Variants in SLC9A9 observed in about 807,000 individuals in gnomAD.
SLC9A9 encodes the protein solute carrier family 9 member A9.
In SLC9A9, 62 loss-of-function variants were observed where a neutral mutation model predicts 77.8. The observed-to-expected ratio is 0.80, with a 90% CI of 0.65 to 0.98. The LOEUF (loss-of-function observed/expected upper bound fraction) is 0.98. SLC9A9 is among the 50% of genes least tolerant of loss of function. The pLI is 0.00. For synonymous variants in SLC9A9, 320 were observed against 283.5 expected (o/e 1.13, Z -1.29); for missense variants, 775 against 774.9 (o/e 1.00, Z 0.00).
At chr3:143,810,124 G>A (rs2008825506) in intron 2 of SLC9A9, among the ~76,000 whole-genome samples, 1 of 152,142 alleles carries the variant, frequency 6.6e-6, no homozygotes, top group East Asian at 1.9e-4. Flanking sequence ...CGAGGATGCA[G>A]CAAATTTTAA....
intron 14 of SLC9A9, among the ~76,000 whole-genome samples, chr3:143,351,695 A>G (rs1235278542): frequency 6.6e-6 from 1 of 152,236 alleles, no homozygotes; most frequent in Non-Finnish European, 1.5e-5. Flanking sequence ...ATAAACTTGA[A>G]TATAGCAGGA....
At chr3:143,284,696 T>C (rs1176316486) in intron 14 of SLC9A9, among the ~76,000 whole-genome samples, 1 of 152,194 alleles carries the variant, frequency 6.6e-6, no homozygotes, top group East Asian at 1.9e-4. Context: ...AGATTTCCAC[T>C]TCAACCTAAT....
intron 12 of SLC9A9, among the ~76,000 whole-genome samples, chr3:143,451,727 C>T (rs73867646): frequency 0.011 from 1,699 of 152,038 alleles, 50 homozygotes; most frequent in African/African-American, 0.039. Context: ...TCCACATTAC[C>T]AGGACTAGAG....
intron 5 of SLC9A9, among the ~76,000 whole-genome samples, chr3:143,677,222 T>C (rs577434843): frequency 3.3e-5 from 5 of 152,328 alleles, no homozygotes; most frequent in Non-Finnish European, 5.9e-5. Flanking sequence ...CACTTTTCAA[T>C]ATAAAAGTTA....
At chr3:143,612,787 C>CAGAT (rs1418514547) in intron 6 of SLC9A9, among the ~76,000 whole-genome samples, 1 of 152,174 alleles carries the variant, frequency 6.6e-6, no homozygotes, top group Non-Finnish European at 1.5e-5. Context: ...TCCAGCCTGC[C>CAGAT]AGATAGAGGT....
At chr3:143,712,739 C>G (rs1934231496) in intron 4 of SLC9A9, among the ~76,000 whole-genome samples, 2 of 152,180 alleles carry the variant, frequency 1.3e-5, no homozygotes, top group Admixed American at 1.3e-4. Context: ...CCTCAAAGAA[C>G]CAGTGAGTTG....
At chr3:143,552,497 T>C (rs756117612) in intron 8 of SLC9A9, 47 bp from the exon 9 acceptor site, 4 of 1,542,970 alleles carry the variant, frequency 2.6e-6, no homozygotes, top group Non-Finnish European at 3.6e-6. Context: ...TTCTTTTCCA[T>C]CCAAGTCAAA....
At chr3:143,287,728 T>G (rs1392853162) in intron 14 of SLC9A9, among the ~76,000 whole-genome samples, 1 of 152,218 alleles carries the variant, frequency 6.6e-6, no homozygotes, top group Non-Finnish European at 1.5e-5. Flanking sequence ...GGAATAACAG[T>G]GAATTCATAG....
intron 2 of SLC9A9, among the ~76,000 whole-genome samples, chr3:143,822,140 C>G (rs539904766): frequency 6.6e-5 from 10 of 152,340 alleles, no homozygotes; most frequent in Admixed American, 4.6e-4. Flanking sequence ...AGGGCTCATT[C>G]TAGCTCCACA....
intron 14 of SLC9A9, among the ~76,000 whole-genome samples, chr3:143,344,259 C>T (rs2032193296): frequency 6.6e-6 from 1 of 152,130 alleles, no homozygotes; most frequent in Non-Finnish European, 1.5e-5. Context: ...AAATCCAGCT[C>T]TTATTTTCTC....
At chr3:143,321,410 T>C (rs1259320358) in intron 14 of SLC9A9, among the ~76,000 whole-genome samples, 1 of 152,248 alleles carries the variant, frequency 6.6e-6, no homozygotes, top group Non-Finnish European at 1.5e-5. Flanking sequence ...AGGATCCTCC[T>C]GACCCTTGCT....
At position 143,467,438 on chromosome 3, in the gene SLC9A9, C is replaced by A. The variant is rs140529864; in HGVS notation, c.1316-248G>T. 5.3e-3 allele frequency among the ~76,000 whole-genome samples: 814 copies of A among 152,204 alleles called. 6 individuals are homozygous for A. Among genetic ancestry groups the A allele is most frequent in the African/African-American group, 0.018 (744 of 41,536 alleles). On this transcript the variant is annotated intron_variant, in intron 11 of 15. Coordinates refer to ENST00000316549, the MANE Select transcript of SLC9A9 (RefSeq NM_173653.4). ...TGTCAACCAGAATATTGACATTGAT[C>A]CAGTCAAGATAAAGAACATTTCTGG...
At chr3:143,333,612 A>G (rs1371177534) in intron 14 of SLC9A9, among the ~76,000 whole-genome samples, 1 of 152,228 alleles carries the variant, frequency 6.6e-6, no homozygotes, top group African/African-American at 2.4e-5. Context: ...GGGGCATGCT[A>G]CTGCAACCAG....
chr3:143,406,650 A>T (rs1337996849), intron 12 of SLC9A9, among the ~76,000 whole-genome samples: 2 of 152,156 alleles, frequency 1.3e-5, no homozygotes. Flanking sequence ...GAATTATTTC[A>T]TCATTACTCA....
At chr3:143,536,112 T>C (rs1022146699) in intron 9 of SLC9A9, among the ~76,000 whole-genome samples, 1 of 152,194 alleles carries the variant, frequency 6.6e-6, no homozygotes, top group Non-Finnish European at 1.5e-5. Context: ...ACCTAGTAAC[T>C]TTCCAGATGT....
Position 143,734,131 on chromosome 3 carries a change from A to G in SLC9A9, c.534-40824T>C, listed in dbSNP as rs545373313. On this transcript the variant is annotated intron_variant, in intron 4 of 15. Transcript: ENST00000316549. ...AGGATTGCCTGAATTCAGGCATTTG[A>G]GGTTATAGTGAGCTATGATTGCACC... is the stretch of plus-strand genomic sequence containing the variant. 2.6e-5 allele frequency among the ~76,000 whole-genome samples: 4 copies of G among 152,046 alleles called. No homozygotes were observed. In the South Asian group the frequency reaches 8.3e-4, roughly 32 times the overall value.
rs543758974 is a variant in SLC9A9, at chr3:143,729,217, C to G, written c.534-35910G>C. Among the ~76,000 whole-genome samples, 17 of 152,260 alleles carry G rather than the reference C, an allele frequency of 1.1e-4. 1 individual carries two copies. In the South Asian group the frequency reaches 3.5e-3, roughly 32 times the overall value. On this transcript the variant is annotated intron_variant, in intron 4 of 15. Transcript: ENST00000316549. ...CCCCCAAGTCTAAGTTAAATACCAC[C>G]CCATTGAGCTTCCAAATTCTATATC...
At chr3:143,467,813 C>T (rs565989257) in intron 11 of SLC9A9, among the ~76,000 whole-genome samples, 3 of 152,194 alleles carry the variant, frequency 2.0e-5, no homozygotes, top group African/African-American at 4.8e-5. Context: ...TATAACCACA[C>T]CTACTTCCCT....
chr3:143,523,463 A>T (rs1191552030), intron 9 of SLC9A9, among the ~76,000 whole-genome samples: 1 of 152,034 alleles, frequency 6.6e-6, no homozygotes, highest in Non-Finnish European at 1.5e-5. Flanking sequence ...CATAGTAATC[A>T]CTCCTCCTCA....
Sources: allele counts gnomAD v4.1 joint callset (sites outside exome capture counted in the v4.1 genomes callset), GRCh38; gene constraint gnomAD v4.1.1; transcripts MANE v1.5; gene names NCBI Gene and HGNC (gene_info 2026-07-23, HGNC 2026-07-21).